DNM3: variants seen among roughly 807,000 people sequenced by gnomAD.
DNM3 encodes the protein dynamin 3, also known as dynamin-3.
In DNM3, 47 loss-of-function variants were observed where a neutral mutation model predicts 101.6. The ratio of observed to expected loss-of-function variants is 0.46; its 90% CI spans 0.37 to 0.59. The LOEUF is 0.59. DNM3 is among the 20% of genes least tolerant of loss of function. The probability of loss-of-function intolerance (pLI) is 0.00; values close to 1 mark genes in which losing one functional copy is unlikely to be tolerated. For synonymous variants in DNM3, 385 were observed against 387.9 expected (o/e 0.99, Z 0.09); for missense variants, 849 against 1,085.7 (o/e 0.78, Z 3.06).
At chr1:172,338,813 A>G in intron 17 of DNM3, 1 of 485,888 alleles carries the variant, frequency 2.1e-6, no homozygotes. Context: ...TTTTCAGATG[A>G]ACCTAAGTGT....
intron 10 of DNM3, among the ~76,000 whole-genome samples, chr1:172,065,118 T>G (rs1388061741): frequency 6.6e-6 from 1 of 152,260 alleles, no homozygotes; most frequent in Non-Finnish European, 1.5e-5. Flanking sequence ...CTTGTCATTT[T>G]GGCCTTTCCC....
chr1:172,281,848 T>G (rs954128061), intron 15 of DNM3, among the ~76,000 whole-genome samples: 1 of 152,192 alleles, frequency 6.6e-6, no homozygotes. Flanking sequence ...GTTACACTGA[T>G]TTGATCATTA....
intron 15 of DNM3, among the ~76,000 whole-genome samples, chr1:172,270,505 C>A (rs1450921229): frequency 6.6e-6 from 1 of 151,908 alleles, no homozygotes; most frequent in Non-Finnish European, 1.5e-5. Context: ...CCTATACCTG[C>A]TGAAAAAAAA....
At chr1:172,053,132 T>C (rs1338803098) in intron 10 of DNM3, among the ~76,000 whole-genome samples, 1 of 152,180 alleles carries the variant, frequency 6.6e-6, no homozygotes, top group African/African-American at 2.4e-5. Flanking sequence ...GTTCAGATCA[T>C]TTAGGGTTGT....
intron 16 of DNM3, among the ~76,000 whole-genome samples, chr1:172,322,633 A>G (rs755282597): frequency 6.6e-6 from 1 of 151,940 alleles, no homozygotes; most frequent in African/African-American, 2.4e-5. Context: ...TTCCAGACCC[A>G]TTTCTTGAGT....
chr1:172,397,934 A>C (rs2070150945), intron 20 of DNM3, among the ~76,000 whole-genome samples: 1 of 152,208 alleles, frequency 6.6e-6, no homozygotes, highest in African/African-American at 2.4e-5. Context: ...AATAAGTTTC[A>C]GTAAAATATT....
chr1:172,105,362 A>G (rs2054936341), intron 13 of DNM3, among the ~76,000 whole-genome samples: 1 of 152,178 alleles, frequency 6.6e-6, no homozygotes, highest in African/African-American at 2.4e-5. Context: ...GAAAAGTTAA[A>G]TAGTTTACCC....
chr1:171,914,404 G>A (rs766394560), intron 1 of DNM3, among the ~76,000 whole-genome samples: 50 of 152,120 alleles, frequency 3.3e-4, no homozygotes, highest in Non-Finnish European at 5.7e-4. Context: ...TGATCTGCCG[G>A]CCTCGGCCTC....
At chr1:171,951,498 G>A (rs898317527) in intron 2 of DNM3, among the ~76,000 whole-genome samples, 1 of 152,104 alleles carries the variant, frequency 6.6e-6, no homozygotes, top group East Asian at 1.9e-4. Flanking sequence ...ATTCTCTAAA[G>A]TTTAGGGGTT....
At chr1:172,386,701 C>T (rs17369123) in intron 18 of DNM3, 21,118 of 156,860 alleles carry the variant, frequency 0.13, 1,666 homozygotes, top group Non-Finnish European at 0.18. Context: ...GAAAGGACTG[C>T]GAATGCCAAG....
intron 14 of DNM3, among the ~76,000 whole-genome samples, chr1:172,239,798 C>CTTTTTT (rs369238528): frequency 0.026 from 2,813 of 106,640 alleles, 142 homozygotes; most frequent in Middle Eastern, 0.039. Context: ...CTTTTTTTTT[C>CTTTTTT]TCTTTTTTTT....
At chr1:172,062,912 T>A (rs2125918409) in intron 10 of DNM3, among the ~76,000 whole-genome samples, 1 of 152,284 alleles carries the variant, frequency 6.6e-6, no homozygotes, top group African/African-American at 2.4e-5. Flanking sequence ...CCTGAATAAA[T>A]ACAACACTAT....
At chr1:172,338,283 G>T (rs1020576696) in intron 17 of DNM3, among the ~76,000 whole-genome samples, 24 of 152,238 alleles carry the variant, frequency 1.6e-4, no homozygotes, top group African/African-American at 5.1e-4. Flanking sequence ...AAATTACTGT[G>T]CTAGGTACTA....
chr1:171,961,992 C>T (rs897021272), intron 2 of DNM3, among the ~76,000 whole-genome samples: 4 of 152,184 alleles, frequency 2.6e-5, no homozygotes, highest in African/African-American at 9.7e-5. Context: ...TGAGGACCTT[C>T]TTACTGGTGG....
chr1:171,941,233 G>A (rs1387680265), intron 2 of DNM3, among the ~76,000 whole-genome samples: 1 of 152,132 alleles, frequency 6.6e-6, no homozygotes, highest in Non-Finnish European at 1.5e-5. Flanking sequence ...GGTATGGTGA[G>A]CATATGTTCA....
At chr1:172,056,425 G>A (rs2050627194) in intron 10 of DNM3, among the ~76,000 whole-genome samples, 1 of 152,206 alleles carries the variant, frequency 6.6e-6, no homozygotes, top group Admixed American at 6.5e-5. Context: ...AGTAACCTCT[G>A]CAGACTTAAA....
At chr1:172,370,321 GAAT>G (rs905346251) in intron 17 of DNM3, 1 of 151,826 alleles carries the variant, frequency 6.6e-6, no homozygotes, top group African/African-American at 2.4e-5. Flanking sequence ...CCTGTTGAAA[GAAT>G]AAGAAAAAGT....
chr1:172,076,766 C>G (rs2052683768), intron 11 of DNM3, among the ~76,000 whole-genome samples: 1 of 152,056 alleles, frequency 6.6e-6, no homozygotes, highest in Admixed American at 6.6e-5. Flanking sequence ...GGATATTGGC[C>G]TGAAATTTTC....
intron 14 of DNM3, among the ~76,000 whole-genome samples, chr1:172,207,828 C>T (rs2060374582): frequency 6.6e-6 from 1 of 151,938 alleles, no homozygotes; most frequent in Non-Finnish European, 1.5e-5. Context: ...AAAAAATCAC[C>T]TTAATATATT....
Sources: allele counts gnomAD v4.1 joint callset (sites outside exome capture counted in the v4.1 genomes callset), GRCh38; gene constraint gnomAD v4.1.1; transcripts MANE v1.5; gene names NCBI Gene and HGNC (gene_info 2026-07-23, HGNC 2026-07-21).